Variants in STXBP5L observed in about 807,000 individuals in gnomAD.
STXBP5L encodes syntaxin binding protein 5L.
Under a neutral mutation model 144.5 loss-of-function variants are expected in STXBP5L, and 65 were observed. That is an observed-to-expected ratio of 0.45 (90% CI 0.37 to 0.55). The LOEUF (loss-of-function observed/expected upper bound fraction) is 0.55. STXBP5L is among the 20% of genes least tolerant of loss of function. The pLI, the probability that STXBP5L is intolerant of heterozygous loss-of-function variation, is 0.00. For missense variants in STXBP5L, 1,298 were observed against 1,405.5 expected (o/e 0.92, Z 1.22); for synonymous variants, 505 against 469.6 (o/e 1.08, Z -0.97).
At chr3:121,023,365 A>G (rs1214490553) in intron 3 of STXBP5L, among the ~76,000 whole-genome samples, 1 of 152,122 alleles carries the variant, frequency 6.6e-6, no homozygotes, top group Non-Finnish European at 1.5e-5. Flanking sequence ...AAATACCACC[A>G]TCATTCTTCA....
intron 20 of STXBP5L, among the ~76,000 whole-genome samples, chr3:121,366,543 G>A (rs1003542412): frequency 2.6e-5 from 4 of 151,904 alleles, no homozygotes; most frequent in African/African-American, 9.7e-5. Context: ...CATTTTGTCT[G>A]ATATTGATAT....
chr3:120,919,174 GAAAT>G (rs1206762423), intron 2 of STXBP5L, among the ~76,000 whole-genome samples: 3 of 151,960 alleles, frequency 2.0e-5, no homozygotes, highest in Non-Finnish European at 4.4e-5. Context: ...TTTTACCCAT[GAAAT>G]AAATAAATAA....
intron 2 of STXBP5L, among the ~76,000 whole-genome samples, chr3:120,925,912 A>T (rs999498964): frequency 6.6e-6 from 1 of 152,252 alleles, no homozygotes; most frequent in Non-Finnish European, 1.5e-5. Flanking sequence ...TCATACAAAG[A>T]ATAGGACAAA....
intron 7 of STXBP5L, among the ~76,000 whole-genome samples, chr3:121,147,203 T>G (rs756253954): frequency 4.6e-5 from 7 of 152,070 alleles, no homozygotes; most frequent in Non-Finnish European, 1.5e-5. Flanking sequence ...GTTGTATATT[T>G]GCTGAACCAA....
At chr3:120,965,905 A>G (rs973706923) in intron 3 of STXBP5L, among the ~76,000 whole-genome samples, 1 of 152,174 alleles carries the variant, frequency 6.6e-6, no homozygotes, top group African/African-American at 2.4e-5. Context: ...CATCACTTTC[A>G]GATACACCAA....
intron 5 of STXBP5L, among the ~76,000 whole-genome samples, chr3:121,078,547 G>T (rs1028898485): frequency 2.0e-5 from 3 of 152,238 alleles, no homozygotes; most frequent in Non-Finnish European, 4.4e-5. Flanking sequence ...CTCAGCCCTT[G>T]GGTGGTCGAT....
chr3:121,259,016 A>G, intron 17 of STXBP5L, 27 bp from the exon 18 acceptor site: 2 of 1,581,422 alleles, frequency 1.3e-6, no homozygotes, highest in Non-Finnish European at 1.7e-6. Context: ...TAAGCTGTAT[A>G]TAATAGGATT....
chr3:121,241,404 C>T (rs892804663), intron 14 of STXBP5L, among the ~76,000 whole-genome samples: 2 of 148,900 alleles, frequency 1.3e-5, no homozygotes, highest in South Asian at 2.2e-4. Context: ...CACACACACA[C>T]ACACACGCAC....
chr3:121,025,705 T>G (rs1020783051), intron 3 of STXBP5L, among the ~76,000 whole-genome samples: 5 of 151,724 alleles, frequency 3.3e-5, no homozygotes, highest in Admixed American at 6.6e-5. Context: ...AGATATATTT[T>G]TACCTGGTAC....
chr3:121,024,820 G>T (rs1387774096), intron 3 of STXBP5L, among the ~76,000 whole-genome samples: 1 of 151,894 alleles, frequency 6.6e-6, no homozygotes, highest in Non-Finnish European at 1.5e-5. Context: ...AGATAATAAA[G>T]ACAACAAAAA....
At chr3:121,358,444 G>C (rs900430511) in intron 20 of STXBP5L, among the ~76,000 whole-genome samples, 13 of 152,192 alleles carry the variant, frequency 8.5e-5, no homozygotes, top group Non-Finnish European at 1.5e-4. Context: ...AGCGAGGCAT[G>C]TCTTCTCATG....
At chr3:121,348,782 T>C (rs1043731202) in intron 20 of STXBP5L, among the ~76,000 whole-genome samples, 1 of 152,144 alleles carries the variant, frequency 6.6e-6, no homozygotes, top group East Asian at 1.9e-4. Context: ...TAGTTTGTAC[T>C]TCTGTGGGAT....
chr3:120,995,851 T>C (rs1355570013), intron 3 of STXBP5L, among the ~76,000 whole-genome samples: 1 of 152,170 alleles, frequency 6.6e-6, no homozygotes, highest in African/African-American at 2.4e-5. Flanking sequence ...GTTCTTATGT[T>C]ACTATTTCCT....
At chr3:121,412,615 T>TA (rs1576374901) in intron 23 of STXBP5L, among the ~76,000 whole-genome samples, 1 of 150,200 alleles carries the variant, frequency 6.7e-6, no homozygotes, top group East Asian at 2.0e-4. Context: ...AATTATCTCT[T>TA]AAAGTTTAAG....
chr3:121,018,972 G>A (rs1395168172), intron 3 of STXBP5L, among the ~76,000 whole-genome samples: 1 of 152,180 alleles, frequency 6.6e-6, no homozygotes, highest in African/African-American at 2.4e-5. Flanking sequence ...TGTAGCCTGG[G>A]GCAGATTCTC....
At chr3:120,920,810 A>G (rs1316770224) in intron 2 of STXBP5L, among the ~76,000 whole-genome samples, 1 of 151,866 alleles carries the variant, frequency 6.6e-6, no homozygotes, top group Non-Finnish European at 1.5e-5. Context: ...ACTGCAAGTG[A>G]CAAGATTTCA....
intron 2 of STXBP5L, among the ~76,000 whole-genome samples, chr3:120,920,146 G>A (rs886835962): frequency 1.8e-4 from 28 of 151,726 alleles, no homozygotes; most frequent in African/African-American, 5.8e-4. Context: ...ATTAACATAC[G>A]AAAGTAACTC....
At position 121,028,403 on chromosome 3, in the gene STXBP5L, A is replaced by T. The variant is rs577464624; in HGVS notation, c.288-13297A>T. ...TTGATCAATGGCTGTAAGTTACTAG[A>T]ATATCCTCAAAAACTTAGAAATTTT... is the stretch of plus-strand genomic sequence containing the variant. On this transcript the variant is annotated intron_variant, in intron 3 of 26. Coordinates refer to ENST00000471454, the MANE Select transcript of STXBP5L (RefSeq NM_001308330.2). 4.7e-4 allele frequency among the ~76,000 whole-genome samples: 72 copies of T among 152,188 alleles called. 1 individual carries two copies. Among genetic ancestry groups the T allele is most frequent in the Middle Eastern group, 6.8e-3 (2 of 294 alleles).
chr3:121,097,299 C>T lies in STXBP5L; in HGVS notation c.471-17626C>T, dbSNP rs1395394044. Reference sequence around the variant, plus strand: ...CCACTTGGCTCCCTGACTTCAGCACCCCTTTCCAGGGGAGTGAACGGTTCT... The same window carrying T: ...CCACTTGGCTCCCTGACTTCAGCACTCCTTTCCAGGGGAGTGAACGGTTCT... On this transcript the variant is annotated intron_variant, in intron 5 of 26. Coordinates refer to ENST00000471454, the MANE Select transcript of STXBP5L (RefSeq NM_001308330.2). Among the ~76,000 whole-genome samples the T allele has an allele frequency of 2.0e-5, 3 of 152,156 alleles. No homozygotes were observed. The East Asian group carries it at 5.8e-4, about 29-fold the overall frequency.
Sources: gnomAD v4.1 joint callset for allele counts (sites outside exome capture counted in the v4.1 genomes callset) on GRCh38, gnomAD v4.1.1 for gene constraint, MANE v1.5 for transcripts, NCBI Gene and HGNC (gene_info 2026-07-23, HGNC 2026-07-21) for gene names.